Variants in IKZF2 observed in about 807,000 individuals in gnomAD.
The protein encoded by IKZF2 is IKAROS family zinc finger 2.
IKZF2 carries 15 observed loss-of-function variants against 49.2 expected under a neutral mutation model. That is an observed-to-expected ratio of 0.30 (90% confidence interval 0.20 to 0.47). The LOEUF is 0.47. Among genes scored for constraint, IKZF2 ranks in the 20% least tolerant of loss-of-function variants. IKZF2 has a pLI of 1.00. For missense variants in IKZF2, 567 were observed against 664.6 expected, an observed-to-expected ratio of 0.85 and a Z score of 1.61; for synonymous variants, 227 against 221.4, an observed-to-expected ratio of 1.03 and a Z score of -0.23.
rs548980654 is a variant in IKZF2, at chr2:213,072,182, TC to T, written c.140-15084del. ...GCATGACAGGGGTAAAATTAAAATC[TC>T]TTTTCTCTTCCCAATCAAATCAGCT... is the stretch of plus-strand genomic sequence containing the variant. On this transcript the variant is annotated intron_variant, in intron 4 of 8. Coordinates refer to ENST00000434687, the MANE Select transcript of IKZF2 (RefSeq NM_001387220.1). Among the ~76,000 whole-genome samples, 8 of 152,164 alleles carry T rather than the reference TC, an allele frequency of 5.3e-5. No homozygotes were observed. The East Asian group carries it at 1.5e-3, about 29-fold the overall frequency.
At chr2:213,089,900 A>G (rs1705100991) in intron 4 of IKZF2, among the ~76,000 whole-genome samples, 1 of 152,198 alleles carries the variant, frequency 6.6e-6, no homozygotes, top group South Asian at 2.1e-4. Flanking sequence ...TTCTGGAAAA[A>G]AGATTATGAC....
intron 4 of IKZF2, among the ~76,000 whole-genome samples, chr2:213,126,819 C>T (rs1009790414): frequency 1.2e-4 from 18 of 152,204 alleles, no homozygotes; most frequent in East Asian, 9.6e-4. Context: ...TTTCAGCTCA[C>T]GGTACACATT....
intron 7 of IKZF2, chr2:213,021,509 G>T: frequency 3.8e-6 from 1 of 263,372 alleles, no homozygotes; most frequent in South Asian, 3.9e-5. Flanking sequence ...CTTGGAGAAT[G>T]TTTTTTGTGG....
chr2:213,077,839 C>T (rs1216824536), intron 4 of IKZF2, among the ~76,000 whole-genome samples: 2 of 152,074 alleles, frequency 1.3e-5, no homozygotes, highest in Non-Finnish European at 2.9e-5. Context: ...CCACCCTCCT[C>T]GGCCTCCCAA....
chr2:213,090,888 TC>T (rs1373126450), intron 4 of IKZF2, among the ~76,000 whole-genome samples: 1 of 152,164 alleles, frequency 6.6e-6, no homozygotes, highest in Non-Finnish European at 1.5e-5. Flanking sequence ...ACTTCCAGCC[TC>T]CAGAACTGTG....
intron 4 of IKZF2, among the ~76,000 whole-genome samples, chr2:213,127,094 T>C (rs2060292052): frequency 6.6e-6 from 1 of 152,240 alleles, no homozygotes; most frequent in South Asian, 2.1e-4. Context: ...AGGACACGGT[T>C]TGTAACAGCC....
At chr2:213,127,228 C>T (rs1457566541) in intron 4 of IKZF2, among the ~76,000 whole-genome samples, 4 of 152,184 alleles carry the variant, frequency 2.6e-5, no homozygotes, top group Non-Finnish European at 5.9e-5. Flanking sequence ...TTACACTTAT[C>T]AAAGACCTTT....
At chr2:213,085,119 T>G (rs572440067) in intron 4 of IKZF2, among the ~76,000 whole-genome samples, 1 of 152,226 alleles carries the variant, frequency 6.6e-6, no homozygotes. Context: ...AGAATCAAGT[T>G]GAATTCTTCC....
rs1417182134 is a variant in IKZF2 at position 213,006,724 on chromosome 2, C to CT, written c.*635dup. 1 of 152,468 alleles carries CT rather than the reference C, an allele frequency of 6.6e-6. No homozygotes were observed. Among genetic ancestry groups the CT allele is most frequent in the Non-Finnish European group, 1.5e-5 (1 of 67,998 alleles). The allele number at this position is 152,468 out of a possible 1,614,324, so 9.4% of individuals were successfully genotyped here. A position where few individuals can be genotyped will look rare whatever the true frequency, so the allele number is the denominator to read the frequency against. ...GACCTCAGATGTATTGTAGGTGGCC[C>CT]TTAACTACCTGTAGTTTAAAAGTTT... On this transcript the variant is annotated 3_prime_UTR_variant, in exon 9 of 9. Transcript: ENST00000434687.
At chr2:213,027,217 C>A (rs911354820) in intron 6 of IKZF2, among the ~76,000 whole-genome samples, 10 of 152,086 alleles carry the variant, frequency 6.6e-5, no homozygotes, top group Non-Finnish European at 1.5e-5. Flanking sequence ...TACAAACACC[C>A]TCTCAATTCT....
intron 4 of IKZF2, among the ~76,000 whole-genome samples, chr2:213,071,457 A>G (rs544422443): frequency 6.6e-6 from 1 of 152,120 alleles, no homozygotes; most frequent in Non-Finnish European, 1.5e-5. Flanking sequence ...AAGGTGATAA[A>G]ATGTGAGTGT....
intron 4 of IKZF2, among the ~76,000 whole-genome samples, chr2:213,077,443 T>C (rs1270931621): frequency 6.6e-6 from 1 of 152,098 alleles, no homozygotes; most frequent in East Asian, 1.9e-4. Flanking sequence ...GTGAATGCTG[T>C]CAATCAACAA....
At chr2:213,070,890 T>C (rs964258028) in intron 4 of IKZF2, among the ~76,000 whole-genome samples, 4 of 152,192 alleles carry the variant, frequency 2.6e-5, no homozygotes, top group African/African-American at 9.6e-5. Context: ...GAATTTATTA[T>C]TCTGTGGGCT....
intron 4 of IKZF2, among the ~76,000 whole-genome samples, chr2:213,076,500 T>C (rs1468367182): frequency 6.6e-6 from 1 of 152,212 alleles, no homozygotes; most frequent in East Asian, 1.9e-4. Context: ...CTTCAGCAGT[T>C]GTACTTTATT....
chr2:213,128,782 C>T (rs2060356614), intron 4 of IKZF2, among the ~76,000 whole-genome samples: 1 of 151,058 alleles, frequency 6.6e-6, no homozygotes, highest in African/African-American at 2.4e-5. Flanking sequence ...TGCAGGCCAC[C>T]ACACCACACT....
chr2:213,084,130 A>T (rs765189862), intron 4 of IKZF2, among the ~76,000 whole-genome samples: 17 of 152,162 alleles, frequency 1.1e-4, no homozygotes, highest in Non-Finnish European at 1.5e-4. Flanking sequence ...ACACCTGTCT[A>T]AACTACAGTA....
At chr2:213,014,665 C>G (rs980609584) in intron 7 of IKZF2, 1 of 152,010 alleles carries the variant, frequency 6.6e-6, no homozygotes, top group East Asian at 1.9e-4. Context: ...CTATTCATCC[C>G]TTTTTTCTAA....
intron 6 of IKZF2, among the ~76,000 whole-genome samples, chr2:213,030,876 A>G (rs1698352058): frequency 1.4e-5 from 2 of 143,852 alleles, no homozygotes; most frequent in African/African-American, 5.3e-5. Flanking sequence ...GGAGGGCAGG[A>G]GTGCACTGGT....
chr2:213,091,068 GA>G (rs1559261892), intron 4 of IKZF2, among the ~76,000 whole-genome samples: 1 of 152,168 alleles, frequency 6.6e-6, no homozygotes, highest in African/African-American at 2.4e-5. Flanking sequence ...CAGAGGAAAG[GA>G]AAGGTGCCAG....
Sources: allele counts gnomAD v4.1 joint callset (sites outside exome capture counted in the v4.1 genomes callset), GRCh38; gene constraint gnomAD v4.1.1; transcripts MANE v1.5; gene names NCBI Gene and HGNC (gene_info 2026-07-23, HGNC 2026-07-21).